Variants in NRG1 observed in about 807,000 individuals in gnomAD.
NRG1 encodes the protein neuregulin 1.
A neutral mutation model predicts 63.8 loss-of-function variants in NRG1; 18 were observed. The ratio of observed to expected loss-of-function variants is 0.28; its 90% CI spans 0.19 to 0.42. The LOEUF (loss-of-function observed/expected upper bound fraction) is 0.42. Ranked by LOEUF, NRG1 falls within the 10% of genes least tolerant of loss-of-function variation. The pLI, the probability that NRG1 is intolerant of heterozygous loss-of-function variation, is 1.00. For synonymous variants in NRG1, 302 were observed against 301.3 expected (o/e 1.00, Z -0.02); for missense variants, 762 against 814.7 (o/e 0.94, Z 0.79).
chr8:31,880,424 G>C (rs1373646264), intron 1 of NRG1, among the ~76,000 whole-genome samples: 3 of 152,084 alleles, frequency 2.0e-5, no homozygotes, highest in African/African-American at 7.2e-5. Flanking sequence ...TACCAGCCGT[G>C]TGATTTTAGC....
At chr8:32,035,879 A>T (rs1369466017) in intron 1 of NRG1, among the ~76,000 whole-genome samples, 2 of 151,674 alleles carry the variant, frequency 1.3e-5, no homozygotes, top group Non-Finnish European at 2.9e-5. Flanking sequence ...ATGAATCTTG[A>T]CTCTTTATCC....
intron 1 of NRG1, among the ~76,000 whole-genome samples, chr8:31,745,998 A>T (rs562164187): frequency 6.6e-6 from 1 of 152,050 alleles, no homozygotes; most frequent in African/African-American, 2.4e-5. Context: ...GCCTCTCTTG[A>T]CGATAACTAC....
At chr8:31,832,254 T>TG (rs1285789485) in intron 1 of NRG1, among the ~76,000 whole-genome samples, 1 of 151,502 alleles carries the variant, frequency 6.6e-6, no homozygotes, top group Non-Finnish European at 1.5e-5. Flanking sequence ...CTCTAGTTTT[T>TG]TTTTTTTTTT....
At chr8:31,860,353 G>A (rs1828360506) in intron 1 of NRG1, among the ~76,000 whole-genome samples, 1 of 152,118 alleles carries the variant, frequency 6.6e-6, no homozygotes, top group Admixed American at 6.6e-5. Flanking sequence ...ATTTATAATA[G>A]GAGAGCAGTT....
At chr8:31,742,945 A>C (rs1815447374) in intron 1 of NRG1, among the ~76,000 whole-genome samples, 1 of 151,990 alleles carries the variant, frequency 6.6e-6, no homozygotes, top group Non-Finnish European at 1.5e-5. Context: ...GTGTGTGCAA[A>C]AGAAAAAGAG....
At chr8:32,015,389 T>C (rs1815356777) in intron 1 of NRG1, among the ~76,000 whole-genome samples, 1 of 152,114 alleles carries the variant, frequency 6.6e-6, no homozygotes, top group Admixed American at 6.6e-5. Context: ...TGAAAGGAGG[T>C]ACCTGTTTGG....
At chr8:32,647,644 A>G in intron 5 of NRG1, 1 of 1,491,398 alleles carries the variant, frequency 6.7e-7, no homozygotes, top group Non-Finnish European at 8.9e-7. Flanking sequence ...AAGATGCTGT[A>G]TCATTTGGTT....
intron 1 of NRG1, among the ~76,000 whole-genome samples, chr8:32,511,362 T>A (rs1829180068): frequency 1.2e-5 from 1 of 86,374 alleles, no homozygotes; most frequent in South Asian, 3.9e-4. Flanking sequence ...TGTCGATATA[T>A]ATGTGTATAT....
rs191241230 is a variant in NRG1, at chr8:31,705,119, T to A, written c.37+65688T>A. 4.5e-3 allele frequency among the ~76,000 whole-genome samples: 685 copies of A among 152,138 alleles called. 9 individuals are homozygous for A. The highest frequency in any genetic ancestry group is 0.015 in the African/African-American group (641 of 41,562). ...GGCGCGATCTCGGCTGACTGCAACC[T>A]CTGCCCCGCCGGGTTCAAGCGATTC... On this transcript the variant is annotated intron_variant, in intron 1 of 10. Coordinates refer to the NRG1 transcript ENST00000519301.
rs184551907 is a variant in NRG1, at chr8:31,996,036, C to G, written c.37+356605C>G. 2.6e-5 allele frequency among the ~76,000 whole-genome samples: 4 copies of G among 151,754 alleles called. No homozygotes were observed. In the East Asian group the frequency reaches 5.9e-4, roughly 22 times the overall value. On this transcript the variant is annotated intron_variant, in intron 1 of 10. Coordinates refer to the NRG1 transcript ENST00000519301. ...CTCCATCTCCTCTTCTCTTCTTTCA[C>G]GGTGCCCATTTCTTCTTCATCTCAT...
intron 1 of NRG1, among the ~76,000 whole-genome samples, chr8:32,143,491 C>G (rs1836523175): frequency 6.6e-6 from 1 of 152,162 alleles, no homozygotes; most frequent in Non-Finnish European, 1.5e-5. Context: ...TGCCCTTCCC[C>G]AATGTTTCTA....
At chr8:32,403,312 A>G (rs1186728817) in intron 1 of NRG1, among the ~76,000 whole-genome samples, 1 of 151,474 alleles carries the variant, frequency 6.6e-6, no homozygotes, top group Non-Finnish European at 1.5e-5. Flanking sequence ...AAAAAAAAAA[A>G]AAAAAAAGAA....
chr8:32,612,482 A>T (rs1398514781), intron 3 of NRG1, among the ~76,000 whole-genome samples: 1 of 152,060 alleles, frequency 6.6e-6, no homozygotes, highest in African/African-American at 2.4e-5. Context: ...ATCATTAAAG[A>T]TATTTTAAGG....
intron 1 of NRG1, among the ~76,000 whole-genome samples, chr8:32,569,625 T>G (rs976629926): frequency 1.6e-4 from 24 of 152,216 alleles, no homozygotes; most frequent in Non-Finnish European, 1.8e-4. Context: ...TTCTCATTTA[T>G]TCTTTTCTGC....
chr8:32,043,554 T>C (rs908230652), intron 1 of NRG1, among the ~76,000 whole-genome samples: 1 of 151,986 alleles, frequency 6.6e-6, no homozygotes, highest in African/African-American at 2.4e-5. Flanking sequence ...ATCATCCTTT[T>C]CTTGAGTTAT....
Position 31,683,019 on chromosome 8 carries a change from C to G in NRG1, c.37+43588C>G, listed in dbSNP as rs200243310. ...TGGAAAAGGAACATTTTGAAATATACCAGAGCATTCTGTGTATTCTTATTA... is the reference window on the plus strand; with the variant it reads ...TGGAAAAGGAACATTTTGAAATATAGCAGAGCATTCTGTGTATTCTTATTA... On this transcript the variant is annotated intron_variant, in intron 1 of 10. Transcript: ENST00000519301. Among the ~76,000 whole-genome samples, 10 of 152,172 alleles carry G rather than the reference C, an allele frequency of 6.6e-5. No individual in the cohort carries two copies. In the East Asian group the frequency reaches 1.9e-3, roughly 29 times the overall value.
intron 1 of NRG1, among the ~76,000 whole-genome samples, chr8:31,940,087 TG>T (rs1259763983): frequency 6.6e-6 from 1 of 152,044 alleles, no homozygotes; most frequent in African/African-American, 2.4e-5. Flanking sequence ...ACCCAACAAC[TG>T]CAGAGTATAC....
At chr8:32,429,755 T>C (rs1364918546) in intron 1 of NRG1, among the ~76,000 whole-genome samples, 1 of 152,210 alleles carries the variant, frequency 6.6e-6, no homozygotes, top group African/African-American at 2.4e-5. Context: ...ATCCTACATC[T>C]GTTATATGGT....
chr8:32,653,129 TTTTGTTTGTTTG>T (rs199864736), intron 5 of NRG1, among the ~76,000 whole-genome samples: 3 of 149,194 alleles, frequency 2.0e-5, no homozygotes, highest in African/African-American at 7.3e-5. Flanking sequence ...TTTGGTTTTT[TTTTGTTTGTTTG>T]TTTGTTTGTT....
Sources: gnomAD v4.1 joint callset for allele counts (sites outside exome capture counted in the v4.1 genomes callset) on GRCh38, gnomAD v4.1.1 for gene constraint, MANE v1.5 for transcripts, NCBI Gene and HGNC (gene_info 2026-07-23, HGNC 2026-07-21) for gene names.